The following TAFA1 variants were observed in gnomAD, a reference collection of about 807,000 sequenced individuals.
TAFA1 encodes the protein TAFA chemokine like family member 1.
TAFA1 carries 4 observed loss-of-function variants against 18.5 expected under a neutral mutation model. The observed-to-expected ratio is 0.22, with a 90% CI of 0.11 to 0.49. The LOEUF (loss-of-function observed/expected upper bound fraction) is 0.49, where lower values mean the gene tolerates loss of function less well. Among genes scored for constraint, TAFA1 ranks in the 20% least tolerant of loss-of-function variants. The probability of loss-of-function intolerance (pLI) is 0.98; values close to 1 mark genes in which losing one functional copy is unlikely to be tolerated. For synonymous variants in TAFA1, 56 were observed against 55.2 expected, an observed-to-expected ratio of 1.01 and a Z score of -0.06; for missense variants, 147 against 169.0, an observed-to-expected ratio of 0.87 and a Z score of 0.72.
intron 2 of TAFA1, among the ~76,000 whole-genome samples, chr3:68,103,861 A>C (rs961582648): frequency 3.3e-5 from 5 of 152,186 alleles, no homozygotes; most frequent in African/African-American, 1.2e-4. Context: ...CAGATGATAA[A>C]ACATGATGCA....
At chr3:68,165,668 C>T (rs1179438341) in intron 2 of TAFA1, among the ~76,000 whole-genome samples, 1 of 152,180 alleles carries the variant, frequency 6.6e-6, no homozygotes, top group Non-Finnish European at 1.5e-5. Context: ...GTTTATTTAA[C>T]AAATATTTAT....
intron 2 of TAFA1, among the ~76,000 whole-genome samples, chr3:68,167,812 A>G (rs574573530): frequency 1.3e-5 from 2 of 152,242 alleles, no homozygotes; most frequent in East Asian, 3.9e-4. Flanking sequence ...GATAGGGTGG[A>G]GGCTGCAGTG....
intron 2 of TAFA1, among the ~76,000 whole-genome samples, chr3:68,160,470 C>T (rs971720133): frequency 5.3e-5 from 8 of 152,256 alleles, no homozygotes; most frequent in South Asian, 2.1e-4. Flanking sequence ...GGAGTCAAAC[C>T]GCCCAGAAGA....
At chr3:68,159,568 A>G (rs190098086) in intron 2 of TAFA1, among the ~76,000 whole-genome samples, 1 of 149,998 alleles carries the variant, frequency 6.7e-6, no homozygotes, top group African/African-American at 2.5e-5. Context: ...CCCCCTTCCT[A>G]CTTAGTTTTT....
At chr3:68,354,728 C>T (rs755989758) in intron 2 of TAFA1, among the ~76,000 whole-genome samples, 1 of 151,988 alleles carries the variant, frequency 6.6e-6, no homozygotes, top group Non-Finnish European at 1.5e-5. Flanking sequence ...GATTTAGTCT[C>T]TGCTGAGGGC....
At chr3:68,469,399 G>T (rs1303020191) in intron 3 of TAFA1, among the ~76,000 whole-genome samples, 2 of 152,164 alleles carry the variant, frequency 1.3e-5, no homozygotes, top group African/African-American at 4.8e-5. Flanking sequence ...AGAGGGCCGG[G>T]CGCAGTGGCT....
chr3:68,009,088 C>T (rs965352712), intron 2 of TAFA1, among the ~76,000 whole-genome samples: 2 of 152,222 alleles, frequency 1.3e-5, no homozygotes, highest in African/African-American at 4.8e-5. Context: ...GCTGTTCACA[C>T]AGCTAATAAT....
chr3:68,481,508 C>G (rs2072236132), intron 3 of TAFA1, among the ~76,000 whole-genome samples: 1 of 152,168 alleles, frequency 6.6e-6, no homozygotes, highest in Non-Finnish European at 1.5e-5. Flanking sequence ...GCTTTCATGA[C>G]AACACACCCT....
chr3:68,230,187 A>G (rs1361333320), intron 2 of TAFA1, among the ~76,000 whole-genome samples: 3 of 152,126 alleles, frequency 2.0e-5, no homozygotes, highest in African/African-American at 7.2e-5. Flanking sequence ...CAGTCACTCT[A>G]TGTGCTACCA....
intron 2 of TAFA1, among the ~76,000 whole-genome samples, chr3:68,095,330 A>C (rs1234803283): frequency 6.6e-6 from 1 of 152,164 alleles, no homozygotes; most frequent in Non-Finnish European, 1.5e-5. Context: ...AGTTTTTATC[A>C]ATTCAAAGAA....
chr3:68,229,040 C>G (rs2066837995), intron 2 of TAFA1, among the ~76,000 whole-genome samples: 1 of 152,322 alleles, frequency 6.6e-6, no homozygotes, highest in Middle Eastern at 3.4e-3. Flanking sequence ...TCTGCCCCCT[C>G]CAAATATGGC....
intron 2 of TAFA1, among the ~76,000 whole-genome samples, chr3:68,206,919 AC>A (rs2066534765): frequency 6.6e-6 from 1 of 151,736 alleles, no homozygotes. Context: ...GAGGTTAATC[AC>A]CCCCACAGCA....
At chr3:68,345,469 A>T (rs777539188) in intron 2 of TAFA1, among the ~76,000 whole-genome samples, 1 of 152,170 alleles carries the variant, frequency 6.6e-6, no homozygotes, top group East Asian at 1.9e-4. Flanking sequence ...ACACAGGAAA[A>T]TCCTCTGACT....
intron 2 of TAFA1, among the ~76,000 whole-genome samples, chr3:68,232,137 T>C (rs916707569): frequency 6.6e-6 from 1 of 152,202 alleles, no homozygotes; most frequent in Non-Finnish European, 1.5e-5. Flanking sequence ...GGTCACCCTA[T>C]ACTACTATAG....
intron 3 of TAFA1, among the ~76,000 whole-genome samples, chr3:68,471,458 G>T (rs2071995894): frequency 6.6e-6 from 1 of 152,170 alleles, no homozygotes; most frequent in Non-Finnish European, 1.5e-5. Flanking sequence ...GGAGGGAGCT[G>T]CACCCTGAAA....
chr3:67,996,315 T>G, the TAFA1 span, among the ~76,000 whole-genome samples: 1 of 152,152 alleles, frequency 6.6e-6, no homozygotes, highest in African/African-American at 2.4e-5. Flanking sequence ...CTGGATCTAG[T>G]TTTTAAAAAA....
chr3:68,119,555 G>C (rs2065362964), intron 2 of TAFA1, among the ~76,000 whole-genome samples: 1 of 146,308 alleles, frequency 6.8e-6, no homozygotes, highest in East Asian at 2.1e-4. Flanking sequence ...TATGGTATAT[G>C]GTAAGTGTCC....
intron 2 of TAFA1, among the ~76,000 whole-genome samples, chr3:68,188,045 A>G (rs2066291277): frequency 6.6e-6 from 1 of 151,940 alleles, no homozygotes; most frequent in South Asian, 2.1e-4. Context: ...AAGTTATTTT[A>G]TATTCTGAAT....
chr3:68,115,213 ATTAG>A (rs1197635442), intron 2 of TAFA1, among the ~76,000 whole-genome samples: 3 of 152,266 alleles, frequency 2.0e-5, no homozygotes, highest in African/African-American at 4.8e-5. Context: ...ACGGTAATTA[ATTAG>A]TTAGTGCACT....
Sources: allele counts gnomAD v4.1 joint callset (sites outside exome capture counted in the v4.1 genomes callset), GRCh38; gene constraint gnomAD v4.1.1; transcripts MANE v1.5; gene names NCBI Gene and HGNC (gene_info 2026-07-23, HGNC 2026-07-21).